The following CTNND2 variants were observed in gnomAD, a reference collection of about 807,000 sequenced individuals.
The protein encoded by CTNND2 is catenin delta-2.
A neutral mutation model predicts 144.4 loss-of-function variants in CTNND2; 22 were observed. That is an observed-to-expected ratio of 0.15 (90% CI 0.11 to 0.22). The LOEUF is 0.22. Among genes scored for constraint, CTNND2 ranks in the 10% least tolerant of loss-of-function variants. The probability of loss-of-function intolerance (pLI) is 1.00; values close to 1 mark genes in which losing one functional copy is unlikely to be tolerated. For missense variants in CTNND2, 1,353 were observed against 1,618.8 expected (o/e 0.84, Z 2.82); for synonymous variants, 751 against 695.6 (o/e 1.08, Z -1.25).
At chr5:11,795,253 AG>A in intron 1 of CTNND2, among the ~76,000 whole-genome samples, 1 of 152,294 alleles carries the variant, frequency 6.6e-6, no homozygotes, top group African/African-American at 2.4e-5. Context: ...AGGCCAAGGA[AG>A]GTCTCTGGAG....
At chr5:11,795,741 T>C (rs1791366907) in intron 1 of CTNND2, among the ~76,000 whole-genome samples, 1 of 152,236 alleles carries the variant, frequency 6.6e-6, no homozygotes, top group African/African-American at 2.4e-5. Flanking sequence ...TATTCATGTA[T>C]GAGAAATAGC....
At chr5:11,437,639 G>A (rs1377318170) in intron 3 of CTNND2, among the ~76,000 whole-genome samples, 3 of 152,196 alleles carry the variant, frequency 2.0e-5, no homozygotes, top group African/African-American at 7.2e-5. Context: ...AGGCAGACAT[G>A]AGTGTGAACC....
At chr5:11,105,728 C>A (rs1024372227) in intron 14 of CTNND2, among the ~76,000 whole-genome samples, 29 of 152,330 alleles carry the variant, frequency 1.9e-4, no homozygotes, top group African/African-American at 6.7e-4. Flanking sequence ...TATGGTTCAT[C>A]CATGGATAAT....
At chr5:11,827,496 T>G (rs1793663444) in intron 1 of CTNND2, among the ~76,000 whole-genome samples, 1 of 151,924 alleles carries the variant, frequency 6.6e-6, no homozygotes. Flanking sequence ...ATCCATGAAA[T>G]AGAAAAGCCT....
chr5:11,873,125 T>C (rs1441988181), intron 1 of CTNND2, among the ~76,000 whole-genome samples: 3 of 152,212 alleles, frequency 2.0e-5, no homozygotes, highest in African/African-American at 7.2e-5. Context: ...TTCTAAAATC[T>C]GTAGAAAACT....
At chr5:11,108,774 C>T (rs1437259127) in intron 14 of CTNND2, among the ~76,000 whole-genome samples, 1 of 152,170 alleles carries the variant, frequency 6.6e-6, no homozygotes, top group African/African-American at 2.4e-5. Flanking sequence ...GAAGGTCTGA[C>T]CTGACCAGCA....
chr5:11,597,479 A>C (rs570474958), intron 2 of CTNND2, among the ~76,000 whole-genome samples: 33 of 152,176 alleles, frequency 2.2e-4, no homozygotes, highest in African/African-American at 7.9e-4. Flanking sequence ...AGCTCTACAG[A>C]TTTATGTTAT....
intron 9 of CTNND2, among the ~76,000 whole-genome samples, chr5:11,267,395 T>A (rs1252783523): frequency 6.6e-6 from 1 of 152,162 alleles, no homozygotes; most frequent in Admixed American, 6.5e-5. Context: ...ATTTCTACAG[T>A]TTATTTTGGA....
chr5:11,841,187 T>G (rs1794451040), intron 1 of CTNND2, among the ~76,000 whole-genome samples: 1 of 152,208 alleles, frequency 6.6e-6, no homozygotes, highest in Non-Finnish European at 1.5e-5. Context: ...GTGCAATCTT[T>G]ACCCTCTTGT....
intron 21 of CTNND2, among the ~76,000 whole-genome samples, chr5:10,976,651 T>C (rs1455019603): frequency 6.6e-6 from 1 of 152,248 alleles, no homozygotes; most frequent in Non-Finnish European, 1.5e-5. Flanking sequence ...CTGAACTTTT[T>C]CCTCAACAGT....
intron 2 of CTNND2, among the ~76,000 whole-genome samples, chr5:11,597,558 T>G (rs900515669): frequency 1.3e-5 from 2 of 152,178 alleles, no homozygotes; most frequent in Non-Finnish European, 2.9e-5. Flanking sequence ...AATTCATCAA[T>G]GAGCAGTCCG....
At chr5:11,113,097 C>T (rs189647156) in intron 13 of CTNND2, among the ~76,000 whole-genome samples, 50 of 152,090 alleles carry the variant, frequency 3.3e-4, no homozygotes, top group Admixed American at 4.6e-4. Flanking sequence ...GCCAAGATTG[C>T]GCCACTGCAC....
chr5:11,857,838 C>A lies in CTNND2; in HGVS notation c.37+45979G>T, dbSNP rs558881676. Among the ~76,000 whole-genome samples, 7 of 152,284 alleles carry A rather than the reference C, an allele frequency of 4.6e-5. No homozygotes were observed. The South Asian group carries it at 1.5e-3, about 32-fold the overall frequency. Reference sequence around the variant, plus strand: ...ATATAAGAAAAGGAAGAATACATAACATGATATATTATGATTTCAACACGA... The same window carrying A: ...ATATAAGAAAAGGAAGAATACATAAAATGATATATTATGATTTCAACACGA... On this transcript the variant is annotated intron_variant, in intron 1 of 21. Transcript: ENST00000304623.
At chr5:11,652,269 G>A (rs778142779) in intron 2 of CTNND2, among the ~76,000 whole-genome samples, 15 of 152,006 alleles carry the variant, frequency 9.9e-5, no homozygotes, top group Non-Finnish European at 1.3e-4. Context: ...CTCCTCCTAC[G>A]GCCACGTAAG....
At chr5:11,608,904 C>T (rs2126369634) in intron 2 of CTNND2, among the ~76,000 whole-genome samples, 1 of 152,318 alleles carries the variant, frequency 6.6e-6, no homozygotes, top group South Asian at 2.1e-4. Context: ...TGATAGGACT[C>T]TGCCTACCTC....
intron 2 of CTNND2, among the ~76,000 whole-genome samples, chr5:11,711,986 G>A (rs1786059912): frequency 6.6e-6 from 1 of 152,160 alleles, no homozygotes; most frequent in African/African-American, 2.4e-5. Flanking sequence ...TTCAAACACT[G>A]ACTTCTAGTC....
intron 16 of CTNND2, among the ~76,000 whole-genome samples, chr5:11,045,178 T>C (rs965455900): frequency 1.3e-5 from 2 of 152,232 alleles, no homozygotes; most frequent in African/African-American, 4.8e-5. Flanking sequence ...TGTACTGCTA[T>C]AAAAGAATAC....
chr5:11,089,776 AAGGAGGGCGGATCACTTGAGGCC>A, intron 15 of CTNND2, among the ~76,000 whole-genome samples: 2 of 152,314 alleles, frequency 1.3e-5, no homozygotes, highest in Admixed American at 1.3e-4. Flanking sequence ...TTCGGAGGCC[AAGGAGGGCGGATCACTTGAGGCC>A]AGGAGTTCGA....
At chr5:10,993,183 G>A (rs756493021) in intron 18 of CTNND2, among the ~76,000 whole-genome samples, 12 of 151,960 alleles carry the variant, frequency 7.9e-5, no homozygotes, top group South Asian at 4.2e-4. Flanking sequence ...GCCCACCCTC[G>A]CCTGTCTCCA....
Sources: gnomAD v4.1 joint callset for allele counts (sites outside exome capture counted in the v4.1 genomes callset) on GRCh38, gnomAD v4.1.1 for gene constraint, MANE v1.5 for transcripts, NCBI Gene and HGNC (gene_info 2026-07-23, HGNC 2026-07-21) for gene names.